The following SLC38A3 variants were observed in gnomAD, a reference collection of about 807,000 sequenced individuals.
The protein encoded by SLC38A3 is solute carrier family 38 member 3, also known as sodium-coupled neutral amino acid transporter 3.
Under a neutral mutation model 59.5 loss-of-function variants are expected in SLC38A3, and 17 were observed. The observed-to-expected ratio is 0.29, with a 90% CI of 0.20 to 0.43. SLC38A3 has a LOEUF of 0.43. SLC38A3 is among the 20% of genes least tolerant of loss of function. The pLI is 1.00. For missense variants in SLC38A3, 454 were observed against 653.9 expected (o/e 0.69, Z 3.33); for synonymous variants, 238 against 260.3 (o/e 0.91, Z 0.82).
chr3:50,213,829 G>C (rs1297804544), intron 1 of SLC38A3, among the ~76,000 whole-genome samples: 3 of 152,228 alleles, frequency 2.0e-5, no homozygotes, highest in Non-Finnish European at 4.4e-5. Flanking sequence ...GTGCCACTGG[G>C]CTCTGAACTC....
chr3:50,210,814 T>A (rs531501016), intron 1 of SLC38A3, among the ~76,000 whole-genome samples: 1 of 152,216 alleles, frequency 6.6e-6, no homozygotes, highest in African/African-American at 2.4e-5. Context: ...GCCTGGGCCA[T>A]TGATTTACTG....
At position 50,210,611 on chromosome 3, in the gene SLC38A3, G is replaced by C. The variant is rs569852206; in HGVS notation, c.-51-3538G>C. On this transcript the variant is annotated intron_variant, in intron 1 of 15. Transcript: ENST00000614032. ...CTTCCTGTAGCTGCTTGCATCAGCC[G>C]CCCTGAAGTGGCCTGGGTTCCTGGG... Among the ~76,000 whole-genome samples, 343 of 152,322 alleles carry C rather than the reference G, an allele frequency of 2.3e-3. 1 individual carries two copies. Among genetic ancestry groups the C allele is most frequent in the South Asian group, 5.2e-3 (25 of 4,834 alleles).
intron 1 of SLC38A3, among the ~76,000 whole-genome samples, chr3:50,208,624 G>T (rs1448254951): frequency 6.6e-6 from 1 of 152,066 alleles, no homozygotes; most frequent in Non-Finnish European, 1.5e-5. Context: ...TCTCTGACTG[G>T]GTGCTCACTC....
Position 50,220,246 on chromosome 3 carries a change from A to G in SLC38A3, c.*69A>G. 1 of 1,201,086 alleles carries G rather than the reference A, an allele frequency of 8.3e-7. No individual in the cohort carries two copies. The highest frequency in any genetic ancestry group is 1.2e-6 in the Non-Finnish European group (1 of 834,314). The allele number at this position is 1,201,086 out of a possible 1,614,324, so 74.4% of individuals were successfully genotyped here. A position where few individuals can be genotyped will look rare whatever the true frequency, so the allele number is the denominator to read the frequency against. On this transcript the variant is annotated 3_prime_UTR_variant, in exon 16 of 16. Coordinates refer to ENST00000614032, the MANE Select transcript of SLC38A3 (RefSeq NM_006841.6). ...CCCAGACTCTTCAGCCCCTGCTCCCATCCAGTGGCCAGTCGGGGGAGGAGA... is the reference window on the plus strand; with the variant it reads ...CCCAGACTCTTCAGCCCCTGCTCCCGTCCAGTGGCCAGTCGGGGGAGGAGA...
intron 7 of SLC38A3, among the ~76,000 whole-genome samples, chr3:50,216,774 T>TGTTTC (rs1699824924): frequency 6.6e-6 from 1 of 152,046 alleles, no homozygotes; most frequent in Admixed American, 6.6e-5. Context: ...TGTTTTGTTT[T>TGTTTC]GTTTTGTTTT....
intron 1 of SLC38A3, among the ~76,000 whole-genome samples, chr3:50,213,908 G>A (rs1408367241): frequency 6.6e-6 from 1 of 152,174 alleles, no homozygotes; most frequent in African/African-American, 2.4e-5. Context: ...CTGGACGGGT[G>A]TGCATGTAAG....
intron 14 of SLC38A3, 45 bp from the exon 15 acceptor site, chr3:50,219,836 G>A (rs993698514): frequency 1.3e-6 from 2 of 1,510,482 alleles, no homozygotes; most frequent in Non-Finnish European, 1.8e-6. Context: ...ACCTTAGTCA[G>A]TAGGAGGATA....
Position 50,218,633 on chromosome 3 carries a change from G to A in SLC38A3, c.1077G>A (p.Val359=). Residue 359 remains valine (V), a synonymous_variant, in exon 13 of 16, where the codon GTG becomes GTA. Transcript: ENST00000614032. The surrounding 1 kb of genome is among the most constrained non-coding windows in gnomAD (Gnocchi z 5.8). ...ESELLHTYSK[V]DPFDVLILCV... Reference sequence around the variant, plus strand: ...AGCTGCTGCACACCTACAGCAAGGTGGACCCGTTTGACGTCCTGATCCTGT... The same window carrying A: ...AGCTGCTGCACACCTACAGCAAGGTAGACCCGTTTGACGTCCTGATCCTGT... The A allele has an allele frequency of 6.2e-7, 1 of 1,613,704 alleles. No homozygotes were observed. The highest frequency in any genetic ancestry group is 8.5e-7 in the Non-Finnish European group (1 of 1,179,786).
intron 1 of SLC38A3, among the ~76,000 whole-genome samples, chr3:50,212,547 G>A (rs567666098): frequency 6.6e-6 from 1 of 152,346 alleles, no homozygotes; most frequent in East Asian, 1.9e-4. Context: ...GAGGAGGTAA[G>A]ATGCTTGCAT....
In SLC38A3 at chr3:50,218,234, C is replaced by T. The variant is rs56048629; in HGVS notation, c.936-36C>T. ...ATGGGGGTCTCCCAATGTTACCCAGCTTGTCACCAACACCCACCCCCCCAC... is the reference window on the plus strand; with the variant it reads ...ATGGGGGTCTCCCAATGTTACCCAGTTTGTCACCAACACCCACCCCCCCAC... On this transcript the variant is annotated intron_variant, in intron 11 of 15. Transcript: ENST00000614032. The surrounding 1 kb of genome is among the most constrained non-coding windows in gnomAD (Gnocchi z 5.8). The T allele has an allele frequency of 0.31, 415,474 of 1,348,144 alleles. 73,781 individuals are homozygous for T. Among genetic ancestry groups the T allele is most frequent in the Non-Finnish European group, 0.36 (332,496 of 935,154 alleles). The allele number at this position is 1,348,144 out of a possible 1,614,324, so 83.5% of individuals were successfully genotyped here. A position where few individuals can be genotyped will look rare whatever the true frequency, so the allele number is the denominator to read the frequency against.
rs1023290324 is a variant in SLC38A3, at chr3:50,214,053, C to T, written c.-51-96C>T. On this transcript the variant is annotated intron_variant, in intron 1 of 15. Coordinates refer to ENST00000614032, the MANE Select transcript of SLC38A3 (RefSeq NM_006841.6). This position sits in a 1 kb window ranked among gnomAD's most constrained non-coding sequence, Gnocchi z 6.0. ...CATGTGTGGATATGCCCCGAGTGAC[C>T]ATCTGGGAGGTGTGCTATGGCTGCA... 2.0e-4 allele frequency: 136 copies of T among 676,730 alleles called. No individual in the cohort carries two copies. The highest frequency in any genetic ancestry group is 1.3e-4 in the Admixed American group (5 of 39,568). 41.9% of individuals were successfully genotyped at this position (676,730 alleles called of 1,614,324 possible).
Position 50,214,716 on chromosome 3 carries a change from G to A in SLC38A3, c.247G>A (p.Gly83Ser). The change falls in exon 4 of 16, where the codon GGC (glycine) becomes AGC (serine). Residue 83 changes from glycine (G) to serine (S), a missense_variant. Gly to Ser is a moderately conservative substitution (Grantham distance 56). Around this residue, in one of 3 missense-constraint regions of SLC38A3, gnomAD observed 390 missense variants for 557.9 expected, o/e 0.70. Coordinates refer to ENST00000614032, the MANE Select transcript of SLC38A3 (RefSeq NM_006841.6). This position sits in a 1 kb window ranked among gnomAD's most constrained non-coding sequence, Gnocchi z 6.0. ...FNLSNAIMGS[G>S]ILGLAYAMAN... Reference sequence around the variant, plus strand: ...CCTCAGCAATGCCATCATGGGCAGCGGCATCCTGGGACTCGCCTATGCCAT... The same window carrying A: ...CCTCAGCAATGCCATCATGGGCAGCAGCATCCTGGGACTCGCCTATGCCAT... The A allele has an allele frequency of 1.2e-6, 2 of 1,613,646 alleles. No homozygotes were observed. The highest frequency in any genetic ancestry group is 2.2e-5 in the East Asian group (1 of 44,860).
At position 50,214,754 on chromosome 3, in the gene SLC38A3, C is replaced by T. The variant is rs1699792259; in HGVS notation, c.285C>T (p.Gly95=). ...TCGCCTATGCCATGGCCAATACGGG[C>T]ATTATCCTTTTCCTGTGAGTGCCCT... ...LGLAYAMANT[G]IILFLFLLTA... is the part of the protein sequence containing the mutation. The change falls in exon 4 of 16, where the codon GGC becomes GGT. Residue 95 remains glycine, a synonymous_variant. Transcript: ENST00000614032. This position sits in a 1 kb window ranked among gnomAD's most constrained non-coding sequence, Gnocchi z 6.0. 1.2e-6 allele frequency: 2 copies of T among 1,609,738 alleles called. No individual in the cohort carries two copies. Among genetic ancestry groups the T allele is most frequent in the Non-Finnish European group, 8.5e-7 (1 of 1,176,932 alleles).
chr3:50,217,503 G>T lies in SLC38A3; in HGVS notation c.690+30G>T, dbSNP rs1034252662. 5.0e-6 allele frequency: 8 copies of T among 1,608,104 alleles called. No individual in the cohort carries two copies. Among genetic ancestry groups the T allele is most frequent in the African/African-American group, 4.0e-5 (3 of 74,798 alleles). On this transcript the variant is annotated intron_variant, in intron 9 of 15. Coordinates refer to ENST00000614032, the MANE Select transcript of SLC38A3 (RefSeq NM_006841.6). This position sits in a 1 kb window ranked among gnomAD's most constrained non-coding sequence, Gnocchi z 4.9. Reference sequence around the variant, plus strand: ...GTCACCCTCCATGTTGGCTGAGAAAGCGGGCAGCGGGTCTCCTGGGGGAGT... The same window carrying T: ...GTCACCCTCCATGTTGGCTGAGAAATCGGGCAGCGGGTCTCCTGGGGGAGT...
chr3:50,206,467 C>T (rs1330936026), intron 1 of SLC38A3, among the ~76,000 whole-genome samples: 3 of 152,244 alleles, frequency 2.0e-5, no homozygotes, highest in Non-Finnish European at 4.4e-5. Flanking sequence ...GGATGGGGCT[C>T]ATTTCCTTCT....
At position 50,215,335 on chromosome 3, in the gene SLC38A3, C is replaced by T. The variant is rs778190891; in HGVS notation, c.300-51C>T. The T allele has an allele frequency of 1.8e-4, 281 of 1,565,664 alleles. No individual in the cohort carries two copies. The highest frequency in any genetic ancestry group is 2.8e-4 in the South Asian group (25 of 89,804). On this transcript the variant is annotated intron_variant, in intron 4 of 15. Transcript: ENST00000614032. The surrounding 1 kb of genome is among the most constrained non-coding windows in gnomAD (Gnocchi z 7.1). The stretch of plus-strand genomic sequence containing the variant: ...AGAGCCCCTCACCCTCTGCCAGCCA[C>T]GGTAGCCCCCCAGTGGCCTCTTTTT...
intron 14 of SLC38A3, among the ~76,000 whole-genome samples, chr3:50,219,552 C>T (rs1476036396): frequency 6.6e-6 from 1 of 152,248 alleles, no homozygotes; most frequent in Non-Finnish European, 1.5e-5. Context: ...AATCCACTGG[C>T]TCAAATAACG....
chr3:50,211,268 G>A (rs1699723256), intron 1 of SLC38A3, among the ~76,000 whole-genome samples: 1 of 152,180 alleles, frequency 6.6e-6, no homozygotes, highest in Non-Finnish European at 1.5e-5. Context: ...GAATGGCTGG[G>A]GGCTCCATGC....
At position 50,221,185 on chromosome 3, in the gene SLC38A3, C is replaced by T. The variant is rs1276489274; in HGVS notation, c.*1008C>T. 1 of 150,512 alleles carries T rather than the reference C, an allele frequency of 6.6e-6. No homozygotes were observed. The highest frequency in any genetic ancestry group is 1.5e-5 in the Non-Finnish European group (1 of 67,780). The allele number at this position is 150,512 out of a possible 1,614,324, so 9.3% of individuals were successfully genotyped here. A position where few individuals can be genotyped will look rare whatever the true frequency, so the allele number is the denominator to read the frequency against. ...AGCTCTGGGCCTGGGCCAGGCTCAG[C>T]ACAGACCTGCTTTCTCACGGGTTGA... On this transcript the variant is annotated 3_prime_UTR_variant, in exon 16 of 16. Coordinates refer to ENST00000614032, the MANE Select transcript of SLC38A3 (RefSeq NM_006841.6).
Sources: gnomAD v4.1 joint callset for allele counts (sites outside exome capture counted in the v4.1 genomes callset) on GRCh38, gnomAD v4.1.1 for gene constraint, gnomAD v4.1.1 regional missense constraint, Gnocchi (gnomAD v3.1) non-coding constraint, MANE v1.5 for transcripts, NCBI Gene and HGNC (gene_info 2026-07-23, HGNC 2026-07-21) for gene names.